The following TBCE variants were observed in gnomAD, a reference collection of about 807,000 sequenced individuals.
TBCE encodes tubulin folding cofactor E, also known as tubulin-specific chaperone E.
Under a neutral mutation model 77.0 loss-of-function variants are expected in TBCE, and 53 were observed. The observed-to-expected ratio is 0.69, with a 90% CI of 0.55 to 0.87. The LOEUF (loss-of-function observed/expected upper bound fraction) is 0.87, where lower values mean the gene tolerates loss of function less well. TBCE is among the 40% of genes least tolerant of loss of function. TBCE has a pLI of 0.00. For missense variants in TBCE, 624 were observed against 622.4 expected, an observed-to-expected ratio of 1.00 and a Z score of -0.03; for synonymous variants, 235 against 241.3, an observed-to-expected ratio of 0.97 and a Z score of 0.24.
intron 1 of TBCE, among the ~76,000 whole-genome samples, chr1:235,371,747 A>G (rs960352601): frequency 5.9e-5 from 9 of 151,932 alleles, no homozygotes; most frequent in South Asian, 2.1e-4. Context: ...ATCTCGGCTC[A>G]CTACAACCTC....
chr1:235,402,226 G>A (rs1005994046), intron 3 of TBCE, among the ~76,000 whole-genome samples: 2 of 151,910 alleles, frequency 1.3e-5, no homozygotes, highest in Non-Finnish European at 2.9e-5. Flanking sequence ...ACCACGCCTG[G>A]CTAATTTCTG....
Position 235,401,604 on chromosome 1 carries a change from A to C in TBCE, c.185+17A>C. The C allele has an allele frequency of 6.3e-7, 1 of 1,594,680 alleles. No homozygotes were observed. Among genetic ancestry groups the C allele is most frequent in the Non-Finnish European group, 8.6e-7 (1 of 1,162,660 alleles). ...TAAATGCAGGTAACTTTTCATTATG[A>C]ATCAGCACGGTCATTTAGTCAAGAT... is the stretch of plus-strand genomic sequence containing the variant. On this transcript the variant is annotated intron_variant, in intron 3 of 16. Transcript: ENST00000642610.
At chr1:235,391,259 G>A (rs1678366811) in intron 2 of TBCE, among the ~76,000 whole-genome samples, 1 of 152,012 alleles carries the variant, frequency 6.6e-6, no homozygotes, top group African/African-American at 2.4e-5. Flanking sequence ...GGAGGCAGGT[G>A]GATCACTTGG....
Position 235,449,057 on chromosome 1 carries a change from C to T in TBCE, c.*295C>T. On this transcript the variant is annotated 3_prime_UTR_variant, in exon 17 of 17. Transcript: ENST00000642610. ...TAAATATTAAATAGAAAGAAACTAG[C>T]TAGCCTAATAAAATCTGAACACAGT... 5.9e-6 allele frequency: 2 copies of T among 338,462 alleles called. No individual in the cohort carries two copies. Among genetic ancestry groups the T allele is most frequent in the South Asian group, 5.2e-5 (2 of 38,110 alleles). The allele number at this position is 338,462 out of a possible 1,614,324, so 21.0% of individuals were successfully genotyped here. A position where few individuals can be genotyped will look rare whatever the true frequency, so the allele number is the denominator to read the frequency against.
At chr1:235,446,796 C>G (rs1682359522) in intron 15 of TBCE, among the ~76,000 whole-genome samples, 1 of 151,138 alleles carries the variant, frequency 6.6e-6, no homozygotes, top group Non-Finnish European at 1.5e-5. Flanking sequence ...CTCCTGGGCT[C>G]AAGTGATCCT....
intron 2 of TBCE, among the ~76,000 whole-genome samples, chr1:235,396,150 C>G (rs1678707116): frequency 6.6e-6 from 1 of 152,084 alleles, no homozygotes; most frequent in African/African-American, 2.4e-5. Context: ...AGCTCCGCCT[C>G]CTGGGTTCAC....
At chr1:235,392,021 G>C (rs1175942145) in intron 2 of TBCE, among the ~76,000 whole-genome samples, 1 of 151,928 alleles carries the variant, frequency 6.6e-6, no homozygotes, top group Admixed American at 6.6e-5. Flanking sequence ...AAACTGTACA[G>C]TTTAAATTGT....
chr1:235,402,690 T>C (rs1054328187), intron 3 of TBCE, among the ~76,000 whole-genome samples: 3 of 152,146 alleles, frequency 2.0e-5, no homozygotes, highest in African/African-American at 7.2e-5. Context: ...AGTGGCATGA[T>C]CATGACTCAC....
chr1:235,369,146 T>TA (rs898795305), intron 1 of TBCE, among the ~76,000 whole-genome samples: 4 of 151,398 alleles, frequency 2.6e-5, no homozygotes, highest in Admixed American at 1.3e-4. Context: ...GTTGATCCTT[T>TA]AAAAAAAAAT....
Position 235,448,800 on chromosome 1 carries a change from C to G in TBCE, c.*38C>G. The G allele has an allele frequency of 1.4e-6, 2 of 1,402,936 alleles. No individual in the cohort carries two copies. The highest frequency in any genetic ancestry group is 2.0e-6 in the Non-Finnish European group (2 of 989,892). 86.9% of individuals were successfully genotyped at this position (1,402,936 alleles called of 1,614,324 possible). ...AAAATTTAAAGACCACACTGCTTAT[C>G]GTGTCTGGGGTTCACCGGAAATAAA... On this transcript the variant is annotated 3_prime_UTR_variant, in exon 17 of 17. Coordinates refer to ENST00000642610, the MANE Select transcript of TBCE (RefSeq NM_003193.5).
chr1:235,448,555 GT>G, intron 16 of TBCE, 114 bp from the exon 17 acceptor site: 1 of 1,395,370 alleles, frequency 7.2e-7, no homozygotes, highest in Non-Finnish European at 1.0e-6. Flanking sequence ...GGGTCTGTTT[GT>G]TTGATTTTAA....
intron 15 of TBCE, among the ~76,000 whole-genome samples, chr1:235,447,193 A>AATAC (rs1210175869): frequency 6.6e-6 from 1 of 152,234 alleles, no homozygotes; most frequent in African/African-American, 2.4e-5. Flanking sequence ...AACTGTATTC[A>AATAC]ATACATACAA....
At chr1:235,447,170 T>G (rs1323500172) in intron 15 of TBCE, among the ~76,000 whole-genome samples, 1 of 152,212 alleles carries the variant, frequency 6.6e-6, no homozygotes, top group Non-Finnish European at 1.5e-5. Flanking sequence ...TAATTAAAAT[T>G]ATAAATTCTA....
At chr1:235,370,828 G>A (rs1298846303) in intron 1 of TBCE, among the ~76,000 whole-genome samples, 23 of 146,096 alleles carry the variant, frequency 1.6e-4, no homozygotes, top group African/African-American at 4.3e-4. Flanking sequence ...TGCAACCTCC[G>A]CCTCCCGGGT....
chr1:235,374,331 A>C lies in TBCE; in HGVS notation c.-31-5688A>C, dbSNP rs191406707. Among the ~76,000 whole-genome samples the C allele has an allele frequency of 1.4e-5, 2 of 145,854 alleles. 1 individual carries two copies. Among genetic ancestry groups the C allele is most frequent in the Non-Finnish European group, 3.0e-5 (2 of 66,620 alleles). On this transcript the variant is annotated intron_variant, in intron 1 of 16. Coordinates refer to ENST00000642610, the MANE Select transcript of TBCE (RefSeq NM_003193.5). ...AGGCCACATCTGGAATGTGGCGTTC[A>C]GTTCTAGATATCGCAATTTAAGCAT...
intron 2 of TBCE, among the ~76,000 whole-genome samples, chr1:235,382,385 G>T (rs1029016495): frequency 6.6e-6 from 1 of 152,124 alleles, no homozygotes; most frequent in African/African-American, 2.4e-5. Flanking sequence ...CCAAGGAATC[G>T]CCACACTGAC....
chr1:235,369,750 C>G (rs1011410998), intron 1 of TBCE, among the ~76,000 whole-genome samples: 1 of 150,382 alleles, frequency 6.6e-6, no homozygotes, highest in Non-Finnish European at 1.5e-5. Context: ...TTGCTTGAAC[C>G]TGGGGGCAGG....
chr1:235,373,948 C>T (rs1205684159), intron 1 of TBCE, among the ~76,000 whole-genome samples: 1 of 145,310 alleles, frequency 6.9e-6, no homozygotes. Flanking sequence ...CGCACCCAGA[C>T]TTGTATTTTT....
intron 13 of TBCE, chr1:235,441,550 G>A: frequency 2.0e-6 from 1 of 500,994 alleles, no homozygotes; most frequent in Non-Finnish European, 3.6e-6. Flanking sequence ...TTCATTTGTT[G>A]TCTTTTGTTG....
Sources: gnomAD v4.1 joint callset for allele counts (sites outside exome capture counted in the v4.1 genomes callset) on GRCh38, gnomAD v4.1.1 for gene constraint, MANE v1.5 for transcripts, NCBI Gene and HGNC (gene_info 2026-07-23, HGNC 2026-07-21) for gene names.